The following CUX1 variants were observed in gnomAD, a reference collection of about 807,000 sequenced individuals.
CUX1 encodes cut like homeobox 1, also known as protein CASP.
A neutral mutation model predicts 158.8 loss-of-function variants in CUX1; 31 were observed. The ratio of observed to expected loss-of-function variants is 0.20; its 90% confidence interval spans 0.15 to 0.26. CUX1 has a LOEUF of 0.26. CUX1 is among the 10% of genes least tolerant of loss of function. The pLI, the probability that CUX1 is intolerant of heterozygous loss-of-function variation, is 1.00. For missense variants in CUX1, 1,589 were observed against 2,014.6 expected (o/e 0.79, Z 4.04); for synonymous variants, 879 against 862.1 (o/e 1.02, Z -0.34).
intron 6 of CUX1, among the ~76,000 whole-genome samples, chr7:102,105,176 TACACACACACACAC>T (rs3076512): frequency 8.1e-4 from 117 of 144,534 alleles, no homozygotes; most frequent in African/African-American, 2.6e-3. Context: ...TATTTAATAT[TACACACACACACAC>T]ACACACACAC....
At chr7:101,952,343 T>G (rs962657630) in intron 2 of CUX1, among the ~76,000 whole-genome samples, 1 of 152,216 alleles carries the variant, frequency 6.6e-6, no homozygotes, top group African/African-American at 2.4e-5. Flanking sequence ...ATTGCGCCAC[T>G]GCACTCCAGC....
chr7:102,120,702 G>A (rs1194742379), intron 8 of CUX1, among the ~76,000 whole-genome samples: 1 of 152,210 alleles, frequency 6.6e-6, no homozygotes, highest in Non-Finnish European at 1.5e-5. Context: ...CAGCACTGGG[G>A]AGCCTCTACG....
intron 4 of CUX1, among the ~76,000 whole-genome samples, chr7:102,072,023 C>T (rs866113479): frequency 6.0e-4 from 91 of 152,170 alleles, no homozygotes; most frequent in Middle Eastern, 3.2e-3. Context: ...CTGAGCTTCA[C>T]GAGGAGGCTC....
Position 102,084,576 on chromosome 7 carries a change from C to T in CUX1, c.269-12788C>T. 1.4e-5 allele frequency among the ~76,000 whole-genome samples: 2 copies of T among 144,880 alleles called. 1 individual carries two copies. Among genetic ancestry groups the T allele is most frequent in the Admixed American group, 1.4e-4 (2 of 14,134 alleles). ...TAGCTGGGATTACAGGTGCCCGCCA[C>T]CACGCCTGGCTAATTTTTTTGGATT... On this transcript the variant is annotated intron_variant, in intron 4 of 23. Coordinates refer to ENST00000292535, the MANE Select transcript of CUX1 (RefSeq NM_181552.4).
chr7:102,270,695 G>A (rs115750103), intron 14 of CUX1, among the ~76,000 whole-genome samples: 5,025 of 152,268 alleles, frequency 0.033, 102 homozygotes, highest in Middle Eastern at 0.095. Flanking sequence ...ATCCCCTCAG[G>A]AGCTAACCCA....
intron 2 of CUX1, among the ~76,000 whole-genome samples, chr7:102,016,152 T>A (rs1488132263): frequency 6.6e-6 from 1 of 152,112 alleles, no homozygotes; most frequent in Non-Finnish European, 1.5e-5. Context: ...CTGGTTATGT[T>A]GCCCAGGCTG....
At chr7:101,985,274 G>A (rs939088495) in intron 2 of CUX1, among the ~76,000 whole-genome samples, 1 of 152,194 alleles carries the variant, frequency 6.6e-6, no homozygotes, top group African/African-American at 2.4e-5. Context: ...AGACGGGAGA[G>A]GGGGGTCGTG....
At position 101,869,957 on chromosome 7, in the gene CUX1, C is replaced by T. The variant is rs1441170056; in HGVS notation, c.31-46158C>T. Among the ~76,000 whole-genome samples the T allele has an allele frequency of 2.6e-5, 4 of 152,078 alleles. No homozygotes were observed. The highest frequency in any genetic ancestry group is 1.9e-4 in the East Asian group (1 of 5,146). Reference sequence around the variant, plus strand: ...CGCAGAACCACCACCCTTGGGAAGGCGGCTCCTCGTGCCCCCCCTCTTGTG... The same window carrying T: ...CGCAGAACCACCACCCTTGGGAAGGTGGCTCCTCGTGCCCCCCCTCTTGTG... On this transcript the variant is annotated intron_variant, in intron 1 of 23. Transcript: ENST00000292535. This position sits in a 1 kb window ranked among gnomAD's most constrained non-coding sequence, Gnocchi z 4.5.
chr7:102,203,277 C>T (rs1249602479), intron 18 of CUX1, among the ~76,000 whole-genome samples: 3 of 152,154 alleles, frequency 2.0e-5, no homozygotes, highest in African/African-American at 7.2e-5. Context: ...AGAAGCACCC[C>T]TCTCCCCTAA....
chr7:101,939,253 T>C (rs1173724480), intron 2 of CUX1, among the ~76,000 whole-genome samples: 1 of 151,702 alleles, frequency 6.6e-6, no homozygotes, highest in Non-Finnish European at 1.5e-5. Flanking sequence ...AGAGGGATCA[T>C]ACCATATGCA....
At chr7:101,986,333 G>C (rs1189708648) in intron 2 of CUX1, among the ~76,000 whole-genome samples, 1 of 152,186 alleles carries the variant, frequency 6.6e-6, no homozygotes, top group Non-Finnish European at 1.5e-5. Context: ...TGACCCAAGA[G>C]CTTGTTTTCA....
intron 15 of CUX1, 40 bp downstream of exon 15, chr7:102,197,345 G>T: frequency 6.3e-7 from 1 of 1,592,134 alleles, no homozygotes; most frequent in South Asian, 1.1e-5. Flanking sequence ...GTGCGAGCCC[G>T]TCACAGAGTT....
chr7:102,002,507 A>G (rs1012533222), intron 2 of CUX1, among the ~76,000 whole-genome samples: 3 of 152,120 alleles, frequency 2.0e-5, no homozygotes, highest in African/African-American at 7.2e-5. Flanking sequence ...TTGTATAGAG[A>G]TTGGGGCTCT....
At chr7:101,954,342 CCT>C (rs1432935920) in intron 2 of CUX1, among the ~76,000 whole-genome samples, 1 of 152,062 alleles carries the variant, frequency 6.6e-6, no homozygotes, top group Non-Finnish European at 1.5e-5. Context: ...AGAGTGAGAC[CCT>C]GTCTCAACAA....
chr7:102,158,484 A>G (rs376556961), intron 8 of CUX1, 76 bp from the exon 9 acceptor site: 2 of 1,473,714 alleles, frequency 1.4e-6, no homozygotes, highest in African/African-American at 2.8e-5. Context: ...GCCCTGAGCT[A>G]GGAAGCTGTC....
At chr7:102,088,727 G>T (rs771703359) in intron 4 of CUX1, among the ~76,000 whole-genome samples, 1 of 152,122 alleles carries the variant, frequency 6.6e-6, no homozygotes, top group African/African-American at 2.4e-5. Context: ...TGAGACAGGC[G>T]ATCTCCAGTA....
chr7:102,211,264 G>A (rs1554523056), intron 20 of CUX1, among the ~76,000 whole-genome samples: 1 of 151,746 alleles, frequency 6.6e-6, no homozygotes, highest in Non-Finnish European at 1.5e-5. Flanking sequence ...TGGCCAACAT[G>A]GTGAAACTCG....
At chr7:102,168,621 G>A (rs565522131) in intron 9 of CUX1, among the ~76,000 whole-genome samples, 1 of 141,116 alleles carries the variant, frequency 7.1e-6, no homozygotes, top group East Asian at 2.0e-4. Context: ...TCCAGCCTAG[G>A]CGACAGAGCG....
At chr7:101,991,684 G>A (rs558799079) in intron 2 of CUX1, among the ~76,000 whole-genome samples, 22 of 151,802 alleles carry the variant, frequency 1.4e-4, no homozygotes, top group Non-Finnish European at 2.8e-4. Flanking sequence ...ACTTGAACCC[G>A]GGAGGCAGAG....
Sources: allele counts gnomAD v4.1 joint callset (sites outside exome capture counted in the v4.1 genomes callset), GRCh38; gene constraint gnomAD v4.1.1; non-coding constraint Gnocchi (gnomAD v3.1); transcripts MANE v1.5; gene names NCBI Gene and HGNC (gene_info 2026-07-23, HGNC 2026-07-21).